The following NALCN variants were observed in gnomAD, a reference collection of about 807,000 sequenced individuals.
NALCN encodes the protein sodium leak channel NALCN.
NALCN carries 111 observed loss-of-function variants against 225.3 expected under a neutral mutation model. The ratio of observed to expected loss-of-function variants is 0.49; its 90% confidence interval spans 0.42 to 0.58. The LOEUF is 0.58. Ranked by LOEUF, NALCN falls within the 20% of genes least tolerant of loss-of-function variation. The pLI, the probability that NALCN is intolerant of heterozygous loss-of-function variation, is 0.00. For synonymous variants in NALCN, 764 were observed against 769.0 expected (o/e 0.99, Z 0.11); for missense variants, 1,378 against 2,202.4 (o/e 0.63, Z 7.49).
chr13:101,255,574 C>G (rs1471289329), intron 11 of NALCN, among the ~76,000 whole-genome samples: 1 of 152,202 alleles, frequency 6.6e-6, no homozygotes, highest in African/African-American at 2.4e-5. Context: ...GTCATTTCTG[C>G]TTTTGTTTCC....
chr13:101,358,219 C>A (rs145081604), intron 6 of NALCN, among the ~76,000 whole-genome samples: 69 of 152,232 alleles, frequency 4.5e-4, no homozygotes, highest in African/African-American at 1.5e-3. Flanking sequence ...AGAGCTTATG[C>A]ACAGCAAAAG....
intron 15 of NALCN, among the ~76,000 whole-genome samples, chr13:101,145,907 C>T (rs1191027434): frequency 6.6e-6 from 1 of 151,982 alleles, no homozygotes; most frequent in East Asian, 1.9e-4. Flanking sequence ...CATTTACCTC[C>T]TTGTTGGGTA....
In NALCN at chr13:101,110,798, A is replaced by C. The variant is rs1372779094; in HGVS notation, c.2295-110T>G. 5.7e-6 allele frequency: 6 copies of C among 1,053,608 alleles called. No individual in the cohort carries two copies. In the South Asian group the frequency reaches 7.9e-5, roughly 14 times the overall value. 65.3% of individuals were successfully genotyped at this position (1,053,608 alleles called of 1,614,324 possible). A position where few individuals can be genotyped will look rare whatever the true frequency, so the allele number is the denominator to read the frequency against. ...CACTTTTTCTGCTACAACGCCACAA[A>C]TGCCTATGATTTCTTTTCATAGCAG... On this transcript the variant is annotated intron_variant, in intron 19 of 43. Transcript: ENST00000251127.
intron 17 of NALCN, among the ~76,000 whole-genome samples, chr13:101,141,091 G>T (rs1181356771): frequency 6.6e-6 from 1 of 152,176 alleles, no homozygotes; most frequent in Admixed American, 6.5e-5. Context: ...TCTAATTAGT[G>T]TCCTGGAAGA....
At chr13:101,379,636 T>A (rs1372363009) in intron 3 of NALCN, among the ~76,000 whole-genome samples, 1 of 152,100 alleles carries the variant, frequency 6.6e-6, no homozygotes, top group Non-Finnish European at 1.5e-5. Context: ...AAACACTGCA[T>A]GTTCTCACTC....
intron 13 of NALCN, among the ~76,000 whole-genome samples, chr13:101,225,350 C>T (rs536816378): frequency 6.6e-6 from 1 of 152,304 alleles, no homozygotes; most frequent in East Asian, 1.9e-4. Context: ...TATCTTTCTC[C>T]CTCCGTTGGA....
intron 15 of NALCN, among the ~76,000 whole-genome samples, chr13:101,166,095 T>C (rs1410765532): frequency 6.6e-6 from 1 of 152,240 alleles, no homozygotes; most frequent in Non-Finnish European, 1.5e-5. Context: ...TGTTTAAGGC[T>C]GAATGATATT....
chr13:101,349,893 C>T (rs749881792), intron 6 of NALCN, among the ~76,000 whole-genome samples: 1 of 152,152 alleles, frequency 6.6e-6, no homozygotes, highest in Non-Finnish European at 1.5e-5. Flanking sequence ...AAATCCTAAA[C>T]CAGAGTTCCC....
chr13:101,116,919 C>A, intron 18 of NALCN: 1 of 512,552 alleles, frequency 2.0e-6, no homozygotes, highest in Non-Finnish European at 3.9e-6. Flanking sequence ...ATGGCTCTTA[C>A]CTGACTCCAC....
intron 10 of NALCN, among the ~76,000 whole-genome samples, chr13:101,276,444 T>C (rs2042976378): frequency 6.6e-6 from 1 of 152,188 alleles, no homozygotes; most frequent in Non-Finnish European, 1.5e-5. Context: ...AAGCTAACAA[T>C]ACCTTTCTGC....
intron 15 of NALCN, among the ~76,000 whole-genome samples, chr13:101,167,823 G>A (rs1238058962): frequency 7.0e-6 from 1 of 142,562 alleles, no homozygotes; most frequent in Non-Finnish European, 1.5e-5. Context: ...TAAGGAAAAG[G>A]TTGAGACTCT....
At position 101,292,876 on chromosome 13, in the gene NALCN, T is replaced by C. The variant is rs879543965; in HGVS notation, c.800-510A>G. Among the ~76,000 whole-genome samples, 1 of 152,230 alleles carries C rather than the reference T, an allele frequency of 6.6e-6. No homozygotes were observed. The highest frequency in any genetic ancestry group is 1.5e-5 in the Non-Finnish European group (1 of 68,034). ...TGATGGAGCTTGTCTTTGGATTCCA[T>C]GGTGTTACCGAACACCAGAATGTAA... On this transcript the variant is annotated intron_variant, in intron 7 of 43. Coordinates refer to ENST00000251127, the MANE Select transcript of NALCN (RefSeq NM_052867.4). This position sits in a 1 kb window ranked among gnomAD's most constrained non-coding sequence, Gnocchi z 4.3.
chr13:101,057,944 G>A lies in NALCN; in HGVS notation c.5018C>T (p.Pro1673Leu). 1 of 1,612,744 alleles carries A rather than the reference G, an allele frequency of 6.2e-7. No homozygotes were observed. Among genetic ancestry groups the A allele is most frequent in the Non-Finnish European group, 8.5e-7 (1 of 1,178,966 alleles). Residue 1673 changes from proline (P) to leucine (L), a missense_variant, in exon 43 of 44, where the codon CCC becomes CTC. Physicochemically the swap from Pro to Leu is moderately conservative, Grantham distance 98 (BLOSUM62 -3). Transcript: ENST00000251127. ...AAATGCCTGGATGGACCTACCTGAG[G>A]GCAGACGCCACTGCCCAAATTTCCT... ...PQRKFGQWRLPSAPKPISHSV... is the reference protein window; with the variant it reads ...PQRKFGQWRLLSAPKPISHSV...
chr13:101,193,747 T>G (rs2039777990), intron 13 of NALCN, among the ~76,000 whole-genome samples: 1 of 152,232 alleles, frequency 6.6e-6, no homozygotes, highest in Non-Finnish European at 1.5e-5. Context: ...TATAAGTATT[T>G]CAGAACTCAT....
intron 26 of NALCN, among the ~76,000 whole-genome samples, chr13:101,102,375 C>T (rs1016879699): frequency 2.0e-5 from 3 of 152,158 alleles, no homozygotes; most frequent in East Asian, 1.9e-4. Flanking sequence ...ACTACAACTA[C>T]AGCTGTTTTC....
intron 3 of NALCN, 75 bp downstream of exon 3, chr13:101,395,108 A>G: frequency 7.1e-7 from 1 of 1,412,588 alleles, no homozygotes; most frequent in South Asian, 1.5e-5. Flanking sequence ...TGAAATGAAC[A>G]AGAAAATATG....
Position 101,366,530 on chromosome 13 carries a change from G to T in NALCN, c.644+10170C>A, listed in dbSNP as rs182879956. On this transcript the variant is annotated intron_variant, in intron 6 of 43. Transcript: ENST00000251127. Reference sequence around the variant, plus strand: ...TTAATCGTTTCTCTTAAATGATTAAGAGAAATGAGGTCACGGCAGTAGCTG... The same window carrying T: ...TTAATCGTTTCTCTTAAATGATTAATAGAAATGAGGTCACGGCAGTAGCTG... 5.9e-5 allele frequency among the ~76,000 whole-genome samples: 9 copies of T among 152,232 alleles called. No individual in the cohort carries two copies. The East Asian group carries it at 1.4e-3, about 23-fold the overall frequency.
intron 38 of NALCN, 137 bp downstream of exon 38, chr13:101,068,558 A>G: frequency 2.2e-6 from 2 of 922,894 alleles, no homozygotes; most frequent in Non-Finnish European, 3.0e-6. Flanking sequence ...CAGCTTCTGG[A>G]TTGAGAGACA....
intron 3 of NALCN, among the ~76,000 whole-genome samples, chr13:101,388,473 T>C (rs1321616515): frequency 6.6e-6 from 1 of 152,210 alleles, no homozygotes; most frequent in African/African-American, 2.4e-5. Context: ...CAAATGTTGA[T>C]GGAAATGTGA....
Sources: allele counts gnomAD v4.1 joint callset (sites outside exome capture counted in the v4.1 genomes callset), GRCh38; gene constraint gnomAD v4.1.1; non-coding constraint Gnocchi (gnomAD v3.1); transcripts MANE v1.5; gene names NCBI Gene and HGNC (gene_info 2026-07-23, HGNC 2026-07-21).